Variants in PTPRD observed in about 807,000 individuals in gnomAD.
PTPRD encodes the protein protein tyrosine phosphatase receptor type D.
In PTPRD, 34 loss-of-function variants were observed where a neutral mutation model predicts 214.5. That is an observed-to-expected ratio of 0.16 (90% CI 0.12 to 0.21). PTPRD has a LOEUF of 0.21. PTPRD is among the 10% of genes least tolerant of loss of function. The probability of loss-of-function intolerance (pLI) is 1.00; values close to 1 mark genes in which losing one functional copy is unlikely to be tolerated. For missense variants in PTPRD, 2,545 were observed against 2,398.7 expected, an observed-to-expected ratio of 1.06 and a Z score of -1.27; for synonymous variants, 1,128 against 845.7, an observed-to-expected ratio of 1.33 and a Z score of -5.79.
intron 37 of PTPRD, among the ~76,000 whole-genome samples, chr9:8,383,374 G>C (rs1464480232): frequency 6.6e-6 from 1 of 152,104 alleles, no homozygotes; most frequent in Non-Finnish European, 1.5e-5. Flanking sequence ...TCCCTAAACT[G>C]TTAACAAAGT....
At chr9:10,416,647 T>C (rs1183649945) in intron 2 of PTPRD, among the ~76,000 whole-genome samples, 1 of 151,652 alleles carries the variant, frequency 6.6e-6, no homozygotes, top group African/African-American at 2.4e-5. Flanking sequence ...ATGGCAAAGG[T>C]GAGTTTTTTT....
At chr9:9,316,495 C>T (rs1963208535) in intron 9 of PTPRD, among the ~76,000 whole-genome samples, 1 of 152,056 alleles carries the variant, frequency 6.6e-6, no homozygotes, top group Non-Finnish European at 1.5e-5. Context: ...CATTGCTTGA[C>T]CCAAATAAAA....
chr9:10,242,522 T>C (rs2091282935), intron 3 of PTPRD, among the ~76,000 whole-genome samples: 1 of 151,880 alleles, frequency 6.6e-6, no homozygotes, highest in Non-Finnish European at 1.5e-5. Context: ...AATATGTAAG[T>C]CCCTACTGTG....
chr9:10,286,999 C>G (rs2095377672), intron 3 of PTPRD, among the ~76,000 whole-genome samples: 2 of 151,954 alleles, frequency 1.3e-5, no homozygotes, highest in African/African-American at 4.8e-5. Context: ...CTTGAAAATG[C>G]AAAAGTAAAG....
At chr9:10,301,423 T>C (rs1235913301) in intron 3 of PTPRD, among the ~76,000 whole-genome samples, 1 of 152,132 alleles carries the variant, frequency 6.6e-6, no homozygotes, top group Non-Finnish European at 1.5e-5. Flanking sequence ...ATGAATTTGA[T>C]GAATTGACAG....
At chr9:10,139,817 G>A (rs1279652260) in intron 3 of PTPRD, among the ~76,000 whole-genome samples, 2 of 151,644 alleles carry the variant, frequency 1.3e-5, no homozygotes, top group Non-Finnish European at 2.9e-5. Context: ...TAAATACTGT[G>A]AGGATAACTG....
At chr9:8,457,104 G>A (rs1158264472) in intron 33 of PTPRD, among the ~76,000 whole-genome samples, 1 of 152,124 alleles carries the variant, frequency 6.6e-6, no homozygotes, top group South Asian at 2.1e-4. Context: ...GGTGTTTAAT[G>A]TTTTCAGATT....
At chr9:9,203,898 G>T (rs2099943311) in intron 9 of PTPRD, among the ~76,000 whole-genome samples, 1 of 152,100 alleles carries the variant, frequency 6.6e-6, no homozygotes, top group East Asian at 1.9e-4. Context: ...GAGAAGAATT[G>T]GAGAAAGAAA....
chr9:8,451,760 T>C (rs969633697), intron 33 of PTPRD: 18 of 355,600 alleles, frequency 5.1e-5, no homozygotes, highest in African/African-American at 3.9e-4. Flanking sequence ...AAGGATGCAT[T>C]TCTTTACTAA....
At chr9:8,390,958 A>G (rs1237467430) in intron 36 of PTPRD, among the ~76,000 whole-genome samples, 1 of 152,174 alleles carries the variant, frequency 6.6e-6, no homozygotes, top group Admixed American at 6.5e-5. Context: ...ACAATAAAGC[A>G]TTTTCAAATG....
chr9:8,461,750 C>T (rs990957528), intron 32 of PTPRD, among the ~76,000 whole-genome samples: 1 of 151,976 alleles, frequency 6.6e-6, no homozygotes, highest in Non-Finnish European at 1.5e-5. Context: ...CTCATCTTTC[C>T]AACTGCTCAT....
chr9:9,601,139 G>A (rs1019582345), intron 7 of PTPRD, among the ~76,000 whole-genome samples: 15 of 127,460 alleles, frequency 1.2e-4, no homozygotes, highest in African/African-American at 5.3e-4. Context: ...GTGTGTGTGT[G>A]TGTGTGTGTG....
intron 9 of PTPRD, among the ~76,000 whole-genome samples, chr9:9,383,357 G>T (rs1014629439): frequency 3.9e-5 from 6 of 152,010 alleles, no homozygotes; most frequent in African/African-American, 1.4e-4. Flanking sequence ...TAAGTAAACA[G>T]ATGGCAGAAA....
chr9:8,780,560 T>C (rs1161451632), intron 11 of PTPRD, among the ~76,000 whole-genome samples: 1 of 152,120 alleles, frequency 6.6e-6, no homozygotes, highest in Non-Finnish European at 1.5e-5. Context: ...TCCATGGTAG[T>C]TTCTGCCAAG....
At chr9:9,525,528 T>A (rs1045355896) in intron 8 of PTPRD, among the ~76,000 whole-genome samples, 3 of 152,134 alleles carry the variant, frequency 2.0e-5, no homozygotes, top group Non-Finnish European at 4.4e-5. Context: ...TTTTTCTCTA[T>A]TGAGAGGAAT....
At chr9:8,327,630 G>A (rs909357677) in intron 44 of PTPRD, among the ~76,000 whole-genome samples, 1 of 151,962 alleles carries the variant, frequency 6.6e-6, no homozygotes, top group East Asian at 1.9e-4. Flanking sequence ...AATATTGACA[G>A]TGGGGTGTTA....
chr9:9,283,810 C>T (rs546724953), intron 9 of PTPRD, among the ~76,000 whole-genome samples: 2 of 151,654 alleles, frequency 1.3e-5, no homozygotes, highest in Non-Finnish European at 3.0e-5. Flanking sequence ...TATATTGACC[C>T]TGTGTGATAA....
intron 11 of PTPRD, among the ~76,000 whole-genome samples, chr9:8,782,377 A>C (rs1008489972): frequency 2.0e-5 from 3 of 152,092 alleles, no homozygotes; most frequent in African/African-American, 7.2e-5. Flanking sequence ...CTCTTTTAGC[A>C]ATTTTCAAGT....
chr9:9,825,382 CAGAGAG>C (rs750262037), intron 5 of PTPRD, among the ~76,000 whole-genome samples: 19 of 142,962 alleles, frequency 1.3e-4, no homozygotes, highest in Non-Finnish European at 2.3e-4. Flanking sequence ...CACAGAGAGA[CAGAGAG>C]AGAGAGACAG....
Sources: allele counts gnomAD v4.1 joint callset (sites outside exome capture counted in the v4.1 genomes callset), GRCh38; gene constraint gnomAD v4.1.1; transcripts MANE v1.5; gene names NCBI Gene and HGNC (gene_info 2026-07-23, HGNC 2026-07-21).